Variants in AARSD1 observed in about 807,000 individuals in gnomAD.
The protein encoded by AARSD1 is alanyl-tRNA synthetase domain containing 1.
A neutral mutation model predicts 48.7 loss-of-function variants in AARSD1; 44 were observed. That is an observed-to-expected ratio of 0.90 (90% confidence interval 0.71 to 1.16). AARSD1 has a LOEUF of 1.16. Ranked by LOEUF, AARSD1 falls within the 50% of genes most tolerant of loss-of-function variation. The pLI is 0.00. For synonymous variants in AARSD1, 189 were observed against 194.9 expected (o/e 0.97, Z 0.25); for missense variants, 511 against 523.1 (o/e 0.98, Z 0.23).
intron 10 of AARSD1, among the ~76,000 whole-genome samples, chr17:42,952,451 A>G (rs925895379): frequency 6.6e-6 from 1 of 152,206 alleles, no homozygotes; most frequent in Non-Finnish European, 1.5e-5. Context: ...GAATTATGAA[A>G]AGAGAGATAC....
intron 2 of AARSD1, 142 bp downstream of exon 2, chr17:42,963,964 A>T: frequency 7.0e-7 from 1 of 1,430,016 alleles, no homozygotes; most frequent in Non-Finnish European, 9.3e-7. Context: ...AATTGCTGAT[A>T]AATACTCATT....
chr17:42,959,246 T>C (rs1273131346), intron 3 of AARSD1, among the ~76,000 whole-genome samples: 1 of 145,606 alleles, frequency 6.9e-6, no homozygotes, highest in Non-Finnish European at 1.5e-5. Flanking sequence ...TGAGACGGAG[T>C]CTTGCTCTGT....
At chr17:42,954,796 G>A in intron 9 of AARSD1, 80 bp downstream of exon 9, 3 of 1,469,048 alleles carry the variant, frequency 2.0e-6, no homozygotes, top group Non-Finnish European at 2.8e-6. Flanking sequence ...ACCTCCCACT[G>A]TACATTGCAT....
chr17:42,953,219 A>G (rs1166809098), intron 10 of AARSD1, among the ~76,000 whole-genome samples: 1 of 152,088 alleles, frequency 6.6e-6, no homozygotes, highest in Non-Finnish European at 1.5e-5. Flanking sequence ...AGCTGAGGCA[A>G]TCCACCCGCC....
chr17:42,954,777 G>C (rs1023903869), intron 9 of AARSD1, 99 bp downstream of exon 9: 1 of 1,328,398 alleles, frequency 7.5e-7, no homozygotes. Context: ...GAATACCAGT[G>C]AGCAATCCAC....
In AARSD1 at chr17:42,955,185, G is replaced by T. The variant is rs1364383117; in HGVS notation, c.834C>A (p.Leu278=). ...AEDHVEAVKK[L]QNSTKILQKN... ...TCTGCAGGATCTTGGTGGAGTTCTG[G>T]AGCTTTTTCACTGCTTCCACATGAT... Residue 278 remains leucine, a synonymous_variant, in exon 8 of 12, where the codon CTC becomes CTA. Transcript: ENST00000427569. The T allele has an allele frequency of 1.9e-6, 3 of 1,613,912 alleles. No individual in the cohort carries two copies. The African/African-American group carries it at 4.0e-5, about 22-fold the overall frequency.
intron 10 of AARSD1, chr17:42,952,110 A>C (rs1301567472): frequency 4.9e-5 from 27 of 546,368 alleles, no homozygotes; most frequent in Non-Finnish European, 8.8e-5. Context: ...AACATTAAGA[A>C]GGCAGCAGAA....
chr17:42,950,547 T>C lies in AARSD1; in HGVS notation c.*46A>G, dbSNP rs1006038060. ...ACCATTCTGAGTCAATCTATTTTATTGACCAAAAGATTCCTGTGGAAACAG... is the reference window on the plus strand; with the variant it reads ...ACCATTCTGAGTCAATCTATTTTATCGACCAAAAGATTCCTGTGGAAACAG... On this transcript the variant is annotated 3_prime_UTR_variant, in exon 12 of 12. Transcript: ENST00000427569. The C allele has an allele frequency of 1.9e-6, 3 of 1,561,818 alleles. No individual in the cohort carries two copies. Among genetic ancestry groups the C allele is most frequent in the African/African-American group, 2.7e-5 (2 of 72,982 alleles).
At chr17:42,964,032 A>T in intron 2 of AARSD1, 74 bp downstream of exon 2, 1 of 1,594,682 alleles carries the variant, frequency 6.3e-7, no homozygotes, top group South Asian at 1.1e-5. Context: ...TGGCTGAGAA[A>T]AAAGGGGCAG....
intron 7 of AARSD1, 29 bp from the exon 8 acceptor site, chr17:42,955,253 C>A (rs532358512): frequency 1.9e-6 from 3 of 1,612,682 alleles, no homozygotes; most frequent in South Asian, 1.1e-5. Context: ...AGGAGACCTG[C>A]GCAGCTTCCC....
Position 42,964,232 on chromosome 17 carries a change from G to C in AARSD1, c.45C>G (p.Thr15=). 1 of 1,613,518 alleles carries C rather than the reference G, an allele frequency of 6.2e-7. No homozygotes were observed. The highest frequency in any genetic ancestry group is 8.5e-7 in the Non-Finnish European group (1 of 1,179,962). The stretch of plus-strand genomic sequence containing the variant: ...CGGGACAGCAGGAGACCACGGTGGT[G>C]GTGAACTGAACAGAGAGGAATGAGA... ...CQRDSYAREF[T]TTVVSCCPAE... Residue 15 remains threonine (T), a synonymous_variant, in exon 2 of 12, where the codon ACC becomes ACG. Coordinates refer to ENST00000427569, the MANE Select transcript of AARSD1 (RefSeq NM_001261434.2).
intron 3 of AARSD1, among the ~76,000 whole-genome samples, chr17:42,958,241 C>A (rs900238493): frequency 1.3e-5 from 2 of 152,148 alleles, no homozygotes; most frequent in African/African-American, 4.8e-5. Flanking sequence ...GTGGCTCACT[C>A]CTGTAATCCC....
chr17:42,960,355 TAG>T (rs1165695578), intron 3 of AARSD1, among the ~76,000 whole-genome samples: 2 of 151,742 alleles, frequency 1.3e-5, no homozygotes, highest in Non-Finnish European at 2.9e-5. Context: ...AGGAAACTGT[TAG>T]AGAGGTCCAG....
rs1426147766 is a variant in AARSD1 at position 42,957,043 on chromosome 17, C to T, written c.389+95G>A. On this transcript the variant is annotated intron_variant, in intron 4 of 11. Transcript: ENST00000427569. ...GGTGGCAATCACAGCTCACCACAGC[C>T]TTAATCTCCCCGGCTCAAGCAATTC... 4.0e-6 allele frequency: 6 copies of T among 1,507,894 alleles called. No homozygotes were observed. In the African/African-American group the frequency reaches 5.5e-5, roughly 14 times the overall value. 93.4% of individuals were successfully genotyped at this position (1,507,894 alleles called of 1,614,324 possible).
chr17:42,961,010 C>G lies in AARSD1; in HGVS notation c.331+182G>C. The G allele has an allele frequency of 4.9e-6, 5 of 1,013,916 alleles. No individual in the cohort carries two copies. In the East Asian group the frequency reaches 1.4e-4, roughly 29 times the overall value. The allele number at this position is 1,013,916 out of a possible 1,614,324, so 62.8% of individuals were successfully genotyped here. ...GCAGTTATTCTAATACTTTTTTTTA[C>G]TTCAGTTGTTCATGTTGCTGTTATA... On this transcript the variant is annotated intron_variant, in intron 3 of 11. Transcript: ENST00000427569.
rs1300150204 is a variant in AARSD1 at position 42,955,883 on chromosome 17, C to T, written c.753G>A (p.Glu251=). ...GTGCTTTTTCAGTTCCATGACTTCT[C>T]TCCATCCACTTCAGCACCCGGTTCC... ...LSGNRVLKWM[E]RSHGTEKALT... is the part of the protein sequence containing the mutation. The change falls in exon 7 of 12, where the codon GAG becomes GAA. Residue 251 remains glutamate (E), a synonymous_variant. Transcript: ENST00000427569. The T allele has an allele frequency of 6.2e-7, 1 of 1,614,154 alleles. No individual in the cohort carries two copies. Among genetic ancestry groups the T allele is most frequent in the South Asian group, 1.1e-5 (1 of 91,082 alleles).
chr17:42,964,421 C>G lies in AARSD1; in HGVS notation c.20G>C (p.Arg7Pro). The G allele has an allele frequency of 1.3e-6, 2 of 1,550,980 alleles. No homozygotes were observed. The highest frequency in any genetic ancestry group is 1.7e-6 in the Non-Finnish European group (2 of 1,147,094). Reference protein sequence around the residue: MAFWCQRDSYAREFTTT... With the variant: MAFWCQPDSYAREFTTT... Reference sequence around the variant, plus strand: ...CCGTACCTCTCGGGCATAACTGTCACGCTGACACCAGAACGCCATACCTGC... The same window carrying G: ...CCGTACCTCTCGGGCATAACTGTCAGGCTGACACCAGAACGCCATACCTGC... Residue 7 changes from arginine (R) to proline (P), a missense_variant, in exon 1 of 12, where the codon CGT becomes CCT. Transcript: ENST00000427569.
chr17:42,955,584 G>A (rs973986505), intron 7 of AARSD1: 16 of 493,448 alleles, frequency 3.2e-5, no homozygotes, highest in Admixed American at 1.7e-4. Context: ...GACTACAGGC[G>A]CCCACCACCA....
chr17:42,954,964 T>A lies in AARSD1; in HGVS notation c.865A>T (p.Asn289Tyr), dbSNP rs2049526950. ...QNSTKILQKN[N>Y]LNLLRDLAVH... ...GCCAGGTCTCTGAGCAGATTCAGGT[T>A]ATTCTGAAATGGATATGGTAACTCA... Residue 289 changes from asparagine to tyrosine, a missense_variant, in exon 9 of 12, where the codon AAC becomes TAC. Asn to Tyr is a moderately radical substitution (Grantham distance 143). Coordinates refer to ENST00000427569, the MANE Select transcript of AARSD1 (RefSeq NM_001261434.2). 1 of 1,614,182 alleles carries A rather than the reference T, an allele frequency of 6.2e-7. No individual in the cohort carries two copies. Among genetic ancestry groups the A allele is most frequent in the Non-Finnish European group, 8.5e-7 (1 of 1,180,038 alleles).
Sources: gnomAD v4.1 joint callset for allele counts (sites outside exome capture counted in the v4.1 genomes callset) on GRCh38, gnomAD v4.1.1 for gene constraint, MANE v1.5 for transcripts, NCBI Gene and HGNC (gene_info 2026-07-23, HGNC 2026-07-21) for gene names.